Variants in AFF1 observed in about 807,000 individuals in gnomAD.
AFF1 encodes the protein AF4/FMR2 family member 1.
A neutral mutation model predicts 121.7 loss-of-function variants in AFF1; 48 were observed. The observed-to-expected ratio is 0.39, with a 90% CI of 0.31 to 0.50. The LOEUF (loss-of-function observed/expected upper bound fraction) is 0.50. Among genes scored for constraint, AFF1 ranks in the 20% least tolerant of loss-of-function variants. The probability of loss-of-function intolerance (pLI) is 0.76; values close to 1 mark genes in which losing one functional copy is unlikely to be tolerated. For synonymous variants in AFF1, 613 were observed against 563.0 expected (o/e 1.09, Z -1.26); for missense variants, 1,523 against 1,511.7 (o/e 1.01, Z -0.12).
chr4:87,048,625 T>C (rs2149619577), intron 4 of AFF1, among the ~76,000 whole-genome samples: 1 of 152,072 alleles, frequency 6.6e-6, no homozygotes, highest in Admixed American at 6.5e-5. Flanking sequence ...ATTCCTCAGG[T>C]GGGGGCGTGA....
intron 2 of AFF1, among the ~76,000 whole-genome samples, chr4:86,961,167 T>C (rs1035052677): frequency 1.3e-5 from 2 of 152,098 alleles, no homozygotes; most frequent in African/African-American, 4.8e-5. Context: ...TGAGTACAGA[T>C]ACCCATGAAA....
At chr4:87,048,780 A>G (rs1014690548) in intron 4 of AFF1, among the ~76,000 whole-genome samples, 5 of 152,106 alleles carry the variant, frequency 3.3e-5, no homozygotes, top group Non-Finnish European at 7.4e-5. Context: ...TCTGAATACC[A>G]CTTGTTTGGG....
intron 4 of AFF1, among the ~76,000 whole-genome samples, chr4:87,053,586 G>T (rs543522058): frequency 6.6e-6 from 1 of 152,166 alleles, no homozygotes; most frequent in Non-Finnish European, 1.5e-5. Context: ...TGCACATCCT[G>T]CTCCTGCACC....
At chr4:87,123,354 C>T (rs1727908571) in intron 12 of AFF1, among the ~76,000 whole-genome samples, 1 of 152,178 alleles carries the variant, frequency 6.6e-6, no homozygotes, top group Non-Finnish European at 1.5e-5. Flanking sequence ...CATTCAAGTT[C>T]AGGTGCTCCC....
chr4:87,046,333 T>C, intron 3 of AFF1, 47 bp downstream of exon 3: 1 of 1,592,158 alleles, frequency 6.3e-7, no homozygotes, highest in Admixed American at 1.8e-5. Flanking sequence ...ATCACAATGT[T>C]GAACCCTATG....
chr4:87,081,453 C>A (rs1047509981), intron 4 of AFF1, among the ~76,000 whole-genome samples: 1 of 152,136 alleles, frequency 6.6e-6, no homozygotes, highest in South Asian at 2.1e-4. Flanking sequence ...TGAGCCACTG[C>A]GCCCGGCCGT....
At chr4:86,995,308 C>A (rs972524518) in intron 2 of AFF1, among the ~76,000 whole-genome samples, 3 of 111,306 alleles carry the variant, frequency 2.7e-5, no homozygotes, top group African/African-American at 9.3e-5. Flanking sequence ...CTCCCTCCCC[C>A]TCTCCCCACG....
intron 12 of AFF1, among the ~76,000 whole-genome samples, chr4:87,119,414 GA>G (rs545359896): frequency 1.3e-4 from 19 of 146,944 alleles, no homozygotes; most frequent in South Asian, 4.3e-4. Context: ...CACTGTCTCT[GA>G]AAAAAAAAAA....
At chr4:87,022,543 GATATATATATATAT>G (rs1156817444) in intron 2 of AFF1, among the ~76,000 whole-genome samples, 859 of 80,186 alleles carry the variant, frequency 0.011, 37 homozygotes, top group Non-Finnish European at 0.016. Flanking sequence ...CGTGCTTACA[GATATATATATATAT>G]ATATATATAT....
At chr4:86,948,065 T>C (rs115383346) in intron 1 of AFF1, among the ~76,000 whole-genome samples, 6 of 152,006 alleles carry the variant, frequency 3.9e-5, no homozygotes, top group Non-Finnish European at 8.8e-5. Flanking sequence ...TTGTTTTTTT[T>C]TGTGTGTGTT....
chr4:87,015,826 A>G (rs542103655), intron 2 of AFF1, among the ~76,000 whole-genome samples: 8 of 152,330 alleles, frequency 5.3e-5, no homozygotes, highest in African/African-American at 1.7e-4. Context: ...CTCTGAGGTC[A>G]CTCGTATTCT....
intron 2 of AFF1, among the ~76,000 whole-genome samples, chr4:87,016,052 G>A (rs865951456): frequency 1.3e-5 from 2 of 152,118 alleles, no homozygotes; most frequent in African/African-American, 2.4e-5. Flanking sequence ...GTAGTGGCAG[G>A]TGCCTGTAAT....
intron 4 of AFF1, chr4:87,049,863 G>A (rs891220469): frequency 5.5e-5 from 21 of 382,500 alleles, no homozygotes; most frequent in Non-Finnish European, 9.4e-5. Context: ...TGAAGGAGTC[G>A]TCAATCCGGG....
At chr4:87,135,285 G>A (rs1176182262) in intron 20 of AFF1, among the ~76,000 whole-genome samples, 2 of 152,104 alleles carry the variant, frequency 1.3e-5, no homozygotes, top group Non-Finnish European at 2.9e-5. Flanking sequence ...AACTGATAAT[G>A]CTTTTAACTT....
chr4:87,126,760 G>C (rs1337312788), intron 14 of AFF1, among the ~76,000 whole-genome samples: 1 of 152,028 alleles, frequency 6.6e-6, no homozygotes, highest in Non-Finnish European at 1.5e-5. Context: ...GGTGTGTTTG[G>C]ATTGACTAAG....
chr4:87,050,635 T>G (rs190300436), intron 4 of AFF1, among the ~76,000 whole-genome samples: 1 of 152,104 alleles, frequency 6.6e-6, no homozygotes, highest in Non-Finnish European at 1.5e-5. Context: ...AGGGAAAAAA[T>G]TATCAAAAGG....
At chr4:87,006,914 G>A in intron 2 of AFF1, 2 of 992,648 alleles carry the variant, frequency 2.0e-6, no homozygotes, top group Non-Finnish European at 1.2e-6. Context: ...CATTTAAGTA[G>A]GCGGGCCGTA....
At chr4:86,957,506 G>A (rs774940144) in intron 2 of AFF1, among the ~76,000 whole-genome samples, 76 of 152,098 alleles carry the variant, frequency 5.0e-4, no homozygotes, top group Non-Finnish European at 9.9e-4. Flanking sequence ...AGACTGTGGG[G>A]AATGCTGGGG....
intron 2 of AFF1, among the ~76,000 whole-genome samples, chr4:86,984,747 G>A (rs1724074465): frequency 6.6e-6 from 1 of 152,022 alleles, no homozygotes; most frequent in South Asian, 2.1e-4. Flanking sequence ...ATCAGCCTGC[G>A]AAGCATAGCA....
Sources: gnomAD v4.1 joint callset for allele counts (sites outside exome capture counted in the v4.1 genomes callset) on GRCh38, gnomAD v4.1.1 for gene constraint, MANE v1.5 for transcripts, NCBI Gene and HGNC (gene_info 2026-07-23, HGNC 2026-07-21) for gene names.